RASA3: variants seen among roughly 807,000 people sequenced by gnomAD.
RASA3 encodes the protein RAS p21 protein activator 3.
RASA3 carries 73 observed loss-of-function variants against 110.0 expected under a neutral mutation model. The ratio of observed to expected loss-of-function variants is 0.66; its 90% CI spans 0.55 to 0.81. The LOEUF is 0.81. Among genes scored for constraint, RASA3 ranks in the 30% least tolerant of loss-of-function variants. RASA3 has a pLI of 0.00. For missense variants in RASA3, 976 were observed against 1,113.2 expected (o/e 0.88, Z 1.75); for synonymous variants, 500 against 451.4 (o/e 1.11, Z -1.37).
At chr13:114,041,850 A>G (rs1245568711) in intron 3 of RASA3, among the ~76,000 whole-genome samples, 2 of 152,118 alleles carry the variant, frequency 1.3e-5, no homozygotes, top group African/African-American at 4.8e-5. Context: ...ACCCCTGGAG[A>G]GCCTGAAAGT....
At chr13:114,069,691 C>G (rs1265956205) in intron 2 of RASA3, among the ~76,000 whole-genome samples, 1 of 30,424 alleles carries the variant, frequency 3.3e-5, no homozygotes, top group Non-Finnish European at 5.7e-5. Context: ...AACTGGGGGG[C>G]CAGGAGACTC....
intron 2 of RASA3, among the ~76,000 whole-genome samples, chr13:114,058,997 A>G (rs963807462): frequency 4.6e-5 from 7 of 152,240 alleles, no homozygotes; most frequent in Non-Finnish European, 4.4e-5. Flanking sequence ...CAGGAGTTAG[A>G]GATCAACCTG....
intron 23 of RASA3, among the ~76,000 whole-genome samples, chr13:113,980,439 C>A (rs563408042): frequency 1.0e-5 from 1 of 100,336 alleles, no homozygotes; most frequent in Non-Finnish European, 2.1e-5. Context: ...GTGTGTGCAC[C>A]TCCTGCCATG....
At chr13:114,076,265 A>G (rs1332893793) in intron 1 of RASA3, among the ~76,000 whole-genome samples, 6 of 152,324 alleles carry the variant, frequency 3.9e-5, no homozygotes, top group South Asian at 2.1e-4. Flanking sequence ...GGAAGCATCA[A>G]TGATAATCGG....
At chr13:114,093,855 T>C (rs951961337) in intron 1 of RASA3, among the ~76,000 whole-genome samples, 1 of 152,244 alleles carries the variant, frequency 6.6e-6, no homozygotes, top group Non-Finnish European at 1.5e-5. Flanking sequence ...CTTTCATTTT[T>C]GCATTTCATT....
chr13:114,108,365 C>T (rs1472233766), intron 1 of RASA3, among the ~76,000 whole-genome samples: 1 of 149,240 alleles, frequency 6.7e-6, no homozygotes, highest in African/African-American at 2.5e-5. Flanking sequence ...TCCATCACCC[C>T]GCGTCCATCA....
chr13:114,121,714 G>C (rs953924769), intron 1 of RASA3, among the ~76,000 whole-genome samples: 13 of 152,208 alleles, frequency 8.5e-5, no homozygotes, highest in Non-Finnish European at 1.6e-4. Flanking sequence ...CTGAGGACGC[G>C]GGCGGCCAGA....
Position 114,041,167 on chromosome 13 carries a change from G to A in RASA3, c.278-73C>T, listed in dbSNP as rs1374452959. On this transcript the variant is annotated intron_variant, in intron 3 of 23. Transcript: ENST00000334062. Reference sequence around the variant, plus strand: ...CCAGGACGCCTGTGAGCAGAAGCCAGCCCATCATCACCGCAGCTTATTTCC... The same window carrying A: ...CCAGGACGCCTGTGAGCAGAAGCCAACCCATCATCACCGCAGCTTATTTCC... The A allele has an allele frequency of 3.2e-6, 4 of 1,264,532 alleles. No homozygotes were observed. In the African/African-American group the frequency reaches 4.4e-5, roughly 14 times the overall value. The allele number at this position is 1,264,532 out of a possible 1,614,324, so 78.3% of individuals were successfully genotyped here.
intron 2 of RASA3, among the ~76,000 whole-genome samples, chr13:114,059,797 C>G (rs908293174): frequency 6.6e-6 from 1 of 152,352 alleles, no homozygotes; most frequent in South Asian, 2.1e-4. Context: ...CTCACTGGAC[C>G]CAGAAACCAC....
chr13:114,122,749 G>A (rs2080395671), intron 1 of RASA3, among the ~76,000 whole-genome samples: 1 of 151,322 alleles, frequency 6.6e-6, no homozygotes, highest in African/African-American at 2.5e-5. Context: ...CGGCCGGTCG[G>A]CCCCGAGTGA....
At chr13:114,016,294 GC>G (rs777783240) in intron 12 of RASA3, 23 bp from the exon 13 acceptor site, 1 of 1,537,662 alleles carries the variant, frequency 6.5e-7, no homozygotes, top group East Asian at 2.3e-5. Context: ...TTAAGACAGG[GC>G]TCTGTGAGTG....
intron 1 of RASA3, among the ~76,000 whole-genome samples, chr13:114,117,035 A>AGGGGTGCATGTGTGT (rs2080290137): frequency 4.1e-5 from 1 of 24,254 alleles, no homozygotes; most frequent in Non-Finnish European, 7.9e-5. Context: ...TGCACGTGTG[A>AGGGGTGCATGTGTGT]GAGGGGTGCA....
chr13:114,091,799 A>G (rs1468661904), intron 1 of RASA3, among the ~76,000 whole-genome samples: 1 of 152,008 alleles, frequency 6.6e-6, no homozygotes, highest in Non-Finnish European at 1.5e-5. Context: ...AGTTCTTTAA[A>G]TGTTTGAATG....
At chr13:114,097,533 T>C (rs943988180) in intron 1 of RASA3, among the ~76,000 whole-genome samples, 2 of 152,216 alleles carry the variant, frequency 1.3e-5, no homozygotes, top group Admixed American at 1.3e-4. Context: ...TGATGCAGCC[T>C]GAAAACCCCA....
chr13:114,073,655 C>G, intron 2 of RASA3, 65 bp downstream of exon 2: 2 of 1,308,028 alleles, frequency 1.5e-6, no homozygotes, highest in Non-Finnish European at 2.2e-6. Context: ...TGACGTACAC[C>G]CTTGGGACAT....
At chr13:114,129,392 G>C (rs568745776) in intron 1 of RASA3, among the ~76,000 whole-genome samples, 3 of 152,278 alleles carry the variant, frequency 2.0e-5, no homozygotes, top group Admixed American at 2.0e-4. Context: ...TCACTTCTAC[G>C]TGGCGCTCTC....
chr13:113,981,063 A>G (rs1446927993), intron 23 of RASA3, among the ~76,000 whole-genome samples: 3 of 152,192 alleles, frequency 2.0e-5, no homozygotes, highest in African/African-American at 7.2e-5. Flanking sequence ...TGACACAGAC[A>G]CATCTGCTCA....
At chr13:114,055,169 T>C (rs962388367) in intron 2 of RASA3, among the ~76,000 whole-genome samples, 1 of 152,132 alleles carries the variant, frequency 6.6e-6, no homozygotes, top group African/African-American at 2.4e-5. Flanking sequence ...CACGTGTGCA[T>C]GGGTGTGTGC....
chr13:114,112,099 A>ACCCCCCCC lies in RASA3; in HGVS notation c.55+20328_55+20335dup, dbSNP rs112367486. 1.3e-5 allele frequency among the ~76,000 whole-genome samples: 2 copies of ACCCCCCCC among 149,176 alleles called. No individual in the cohort carries two copies. The highest frequency in any genetic ancestry group is 1.5e-5 in the Non-Finnish European group (1 of 67,156). ...TCCCTGGAAACAGCAGCCCCCAGGC[A>ACCCCCCCC]CCCCCCCCAGCAACTGGGACAAGGG... On this transcript the variant is annotated intron_variant, in intron 1 of 23. Coordinates refer to ENST00000334062, the MANE Select transcript of RASA3 (RefSeq NM_007368.4). This position sits in a 1 kb window ranked among gnomAD's most constrained non-coding sequence, Gnocchi z 4.8.
Sources: gnomAD v4.1 joint callset for allele counts (sites outside exome capture counted in the v4.1 genomes callset) on GRCh38, gnomAD v4.1.1 for gene constraint, Gnocchi (gnomAD v3.1) non-coding constraint, MANE v1.5 for transcripts, NCBI Gene and HGNC (gene_info 2026-07-23, HGNC 2026-07-21) for gene names.